ARSJ: variants seen among roughly 807,000 people sequenced by gnomAD.
ARSJ encodes arylsulfatase J.
In ARSJ, 26 loss-of-function variants were observed where a neutral mutation model predicts 35.9. The observed-to-expected ratio is 0.72, with a 90% CI of 0.53 to 1.00. ARSJ has a LOEUF of 1.00. Among genes scored for constraint, ARSJ ranks in the 50% least tolerant of loss-of-function variants. The probability of loss-of-function intolerance (pLI) is 0.00; values close to 1 mark genes in which losing one functional copy is unlikely to be tolerated. For missense variants in ARSJ, 667 were observed against 723.6 expected, an observed-to-expected ratio of 0.92 and a Z score of 0.90; for synonymous variants, 294 against 267.6, an observed-to-expected ratio of 1.10 and a Z score of -0.96.
intron 1 of ARSJ, among the ~76,000 whole-genome samples, chr4:113,914,753 A>G (rs11935452): frequency 0.016 from 2,401 of 152,334 alleles, 65 homozygotes; most frequent in African/African-American, 0.054. Flanking sequence ...TATTCCAGGT[A>G]CTGTACTGCG....
At chr4:113,937,931 G>A (rs1218175957) in intron 1 of ARSJ, among the ~76,000 whole-genome samples, 6 of 152,048 alleles carry the variant, frequency 3.9e-5, no homozygotes, top group African/African-American at 1.4e-4. Context: ...TCATGGATAG[G>A]AAGAATCAAT....
intron 1 of ARSJ, among the ~76,000 whole-genome samples, chr4:113,958,973 A>G (rs993365349): frequency 6.6e-6 from 1 of 151,704 alleles, no homozygotes; most frequent in African/African-American, 2.4e-5. Flanking sequence ...TACTCTACCA[A>G]CCCTTTTAAT....
At chr4:113,947,561 A>T (rs1279677259) in intron 1 of ARSJ, among the ~76,000 whole-genome samples, 1 of 126,828 alleles carries the variant, frequency 7.9e-6, no homozygotes. Flanking sequence ...AGGGAGAGTG[A>T]GGGAGGGAGG....
intron 1 of ARSJ, among the ~76,000 whole-genome samples, chr4:113,970,319 G>A (rs1413742014): frequency 1.3e-5 from 2 of 152,200 alleles, no homozygotes; most frequent in East Asian, 3.8e-4. Context: ...AAATAATTAA[G>A]TCACATAAGT....
intron 1 of ARSJ, among the ~76,000 whole-genome samples, chr4:113,953,395 C>A (rs1296497984): frequency 1.3e-5 from 2 of 152,002 alleles, no homozygotes; most frequent in Non-Finnish European, 2.9e-5. Flanking sequence ...TTTTTTAGGA[C>A]CATGCAAACA....
intron 1 of ARSJ, among the ~76,000 whole-genome samples, chr4:113,911,251 G>A (rs2099670360): frequency 6.6e-6 from 1 of 152,174 alleles, no homozygotes. Flanking sequence ...ATCTTGACTA[G>A]TCTATAGAGG....
intron 1 of ARSJ, among the ~76,000 whole-genome samples, chr4:113,908,788 T>C (rs1042893364): frequency 6.6e-6 from 1 of 152,192 alleles, no homozygotes; most frequent in African/African-American, 2.4e-5. Context: ...GGGGATGAGA[T>C]AAAAATAAAT....
At chr4:113,931,189 GAA>G (rs369963544) in intron 1 of ARSJ, among the ~76,000 whole-genome samples, 2 of 148,302 alleles carry the variant, frequency 1.3e-5, no homozygotes, top group Admixed American at 6.7e-5. Context: ...AAAAAAAATA[GAA>G]AAAAAAAAGT....
Position 113,904,059 on chromosome 4 carries a change from A to AT in ARSJ, c.399-385dup, listed in dbSNP as rs914408110. Among the ~76,000 whole-genome samples the AT allele has an allele frequency of 8.3e-4, 126 of 150,978 alleles. 1 individual carries two copies. Among genetic ancestry groups the AT allele is most frequent in the African/African-American group, 2.9e-3 (120 of 41,030 alleles). ...TGCCTCAGCCTCCCCAGTAGCTGGG[A>AT]TTACAGGCATGCACCAACATGCCCA... On this transcript the variant is annotated intron_variant, in intron 1 of 1. Transcript: ENST00000315366.
rs1427985309 is a variant in ARSJ at position 113,962,908 on chromosome 4, G to C, written c.398+15529C>G. 2.0e-5 allele frequency among the ~76,000 whole-genome samples: 3 copies of C among 152,028 alleles called. No individual in the cohort carries two copies. In the South Asian group the frequency reaches 6.2e-4, roughly 32 times the overall value. Reference sequence around the variant, plus strand: ...ACCCCATTTCCTCTTAATCTCTCCTGGTCTGTCTCTGAACTAGCTTAGTGG... The same window carrying C: ...ACCCCATTTCCTCTTAATCTCTCCTCGTCTGTCTCTGAACTAGCTTAGTGG... On this transcript the variant is annotated intron_variant, in intron 1 of 1. Transcript: ENST00000315366.
chr4:113,976,223 T>C (rs1311822412), intron 1 of ARSJ, among the ~76,000 whole-genome samples: 1 of 152,206 alleles, frequency 6.6e-6, no homozygotes, highest in Non-Finnish European at 1.5e-5. Context: ...GTAAACTCTT[T>C]GTCATGTGAA....
intron 1 of ARSJ, among the ~76,000 whole-genome samples, chr4:113,953,035 C>G (rs549908276): frequency 1.5e-4 from 23 of 152,168 alleles, no homozygotes; most frequent in South Asian, 1.2e-3. Context: ...TATTATCTCC[C>G]ATTCTTGGAA....
At chr4:113,959,928 T>A (rs1016884671) in intron 1 of ARSJ, among the ~76,000 whole-genome samples, 5 of 152,070 alleles carry the variant, frequency 3.3e-5, no homozygotes, top group African/African-American at 1.2e-4. Context: ...AGCCTTCTAG[T>A]TTCTCTTGTC....
rs753501045 is a variant in ARSJ at position 113,902,187 on chromosome 4, T to G, written c.*87A>C. 6.3e-7 allele frequency: 1 copy of G among 1,599,238 alleles called. No homozygotes were observed. Among genetic ancestry groups the G allele is most frequent in the African/African-American group, 1.3e-5 (1 of 75,018 alleles). ...AAGCCTGACGCTTAGGCCAGCGATA[T>G]TATCGAGCCAAATTTGCTGGTTTAC... is the stretch of plus-strand genomic sequence containing the variant. On this transcript the variant is annotated 3_prime_UTR_variant, in exon 2 of 2. Coordinates refer to ENST00000315366, the MANE Select transcript of ARSJ (RefSeq NM_024590.4).
At chr4:113,948,288 A>C (rs1171371682) in intron 1 of ARSJ, among the ~76,000 whole-genome samples, 1 of 152,152 alleles carries the variant, frequency 6.6e-6, no homozygotes, top group Non-Finnish European at 1.5e-5. Context: ...TATTAGCCTG[A>C]GTAGGAAATT....
At chr4:113,951,643 A>G (rs1188640585) in intron 1 of ARSJ, among the ~76,000 whole-genome samples, 1 of 152,102 alleles carries the variant, frequency 6.6e-6, no homozygotes, top group Non-Finnish European at 1.5e-5. Context: ...CTCTCGTAGA[A>G]GAGGAGTTTA....
At chr4:113,915,540 A>G (rs2149255080) in intron 1 of ARSJ, among the ~76,000 whole-genome samples, 1 of 152,250 alleles carries the variant, frequency 6.6e-6, no homozygotes, top group East Asian at 1.9e-4. Context: ...TTATATAATT[A>G]TTTTCATTTA....
intron 1 of ARSJ, among the ~76,000 whole-genome samples, chr4:113,954,598 T>C (rs1726052421): frequency 6.6e-6 from 1 of 152,230 alleles, no homozygotes; most frequent in South Asian, 2.1e-4. Context: ...CTCCCTTAAC[T>C]TGGGCTGTAC....
intron 1 of ARSJ, among the ~76,000 whole-genome samples, chr4:113,922,356 T>C (rs1723736134): frequency 6.6e-6 from 1 of 152,208 alleles, no homozygotes; most frequent in African/African-American, 2.4e-5. Context: ...ATATTTGATA[T>C]GTAAACAGGA....
Sources: gnomAD v4.1 joint callset for allele counts (sites outside exome capture counted in the v4.1 genomes callset) on GRCh38, gnomAD v4.1.1 for gene constraint, MANE v1.5 for transcripts, NCBI Gene and HGNC (gene_info 2026-07-23, HGNC 2026-07-21) for gene names.